PREP: variants seen among roughly 807,000 people sequenced by gnomAD.
PREP encodes the protein prolyl endopeptidase.
In PREP, 29 loss-of-function variants were observed where a neutral mutation model predicts 87.6. That is an observed-to-expected ratio of 0.33 (90% CI 0.25 to 0.45). The LOEUF (loss-of-function observed/expected upper bound fraction) is 0.45, where lower values mean the gene tolerates loss of function less well. Among genes scored for constraint, PREP ranks in the 20% least tolerant of loss-of-function variants. The pLI is 1.00. For synonymous variants in PREP, 337 were observed against 328.6 expected (o/e 1.03, Z -0.28); for missense variants, 695 against 886.5 (o/e 0.78, Z 2.74).
At chr6:105,343,044 AC>A (rs1304366771) in intron 7 of PREP, among the ~76,000 whole-genome samples, 1 of 152,210 alleles carries the variant, frequency 6.6e-6, no homozygotes, top group Admixed American at 6.5e-5. Context: ...TTCATATGGA[AC>A]CAAAAAAGAG....
chr6:105,385,978 G>A lies in PREP; in HGVS notation c.121-8459C>T, dbSNP rs542962334. On this transcript the variant is annotated intron_variant, in intron 2 of 14. Transcript: ENST00000652536. ...CTACTAAAAATACAAAGATTAGCTG[G>A]GCGTGGTGGCGCATGCCTGTAATCC... Among the ~76,000 whole-genome samples the A allele has an allele frequency of 4.6e-5, 7 of 152,232 alleles. No homozygotes were observed. In the East Asian group the frequency reaches 1.4e-3, roughly 29 times the overall value.
intron 10 of PREP, among the ~76,000 whole-genome samples, chr6:105,305,286 T>C (rs548935727): frequency 5.3e-5 from 8 of 152,066 alleles, no homozygotes; most frequent in African/African-American, 1.9e-4. Context: ...CAGATGTTAG[T>C]GGGGAAAAAG....
chr6:105,378,737 T>C lies in PREP; in HGVS notation c.121-1218A>G, dbSNP rs535792100. 3.3e-5 allele frequency among the ~76,000 whole-genome samples: 5 copies of C among 152,322 alleles called. No homozygotes were observed. The East Asian group carries it at 7.7e-4, about 23-fold the overall frequency. Reference sequence around the variant, plus strand: ...AACATTGTATCAGCTTTAAATTCAATAGAAGATTTCATCAGATGTCTATAA... The same window carrying C: ...AACATTGTATCAGCTTTAAATTCAACAGAAGATTTCATCAGATGTCTATAA... On this transcript the variant is annotated intron_variant, in intron 2 of 14. Coordinates refer to ENST00000652536, the MANE Select transcript of PREP (RefSeq NM_002726.5).
At chr6:105,302,406 T>G (rs535727121) in intron 10 of PREP, 1 of 224,190 alleles carries the variant, frequency 4.5e-6, no homozygotes, top group African/African-American at 2.3e-5. Context: ...ATACACACTT[T>G]TCTTTTGTTC....
chr6:105,398,327 G>A (rs1363610481), intron 1 of PREP, among the ~76,000 whole-genome samples: 1 of 152,172 alleles, frequency 6.6e-6, no homozygotes, highest in East Asian at 1.9e-4. Flanking sequence ...TAACACACAC[G>A]TGCTCATTCT....
intron 10 of PREP, among the ~76,000 whole-genome samples, chr6:105,306,396 T>C (rs1469247500): frequency 2.0e-4 from 30 of 152,158 alleles, no homozygotes. Flanking sequence ...TTCTACTACC[T>C]GGTAATTAGC....
At chr6:105,357,117 A>G (rs1361024732) in intron 6 of PREP, among the ~76,000 whole-genome samples, 1 of 152,170 alleles carries the variant, frequency 6.6e-6, no homozygotes, top group Non-Finnish European at 1.5e-5. Flanking sequence ...GTTCCATCTT[A>G]TTTTTAAACC....
intron 2 of PREP, among the ~76,000 whole-genome samples, chr6:105,394,644 G>T (rs1773242347): frequency 6.6e-6 from 1 of 152,172 alleles, no homozygotes; most frequent in Non-Finnish European, 1.5e-5. Context: ...AAAATCGGTA[G>T]CAGTAGCTAG....
chr6:105,314,196 T>C (rs1770815033), intron 10 of PREP, among the ~76,000 whole-genome samples: 1 of 152,178 alleles, frequency 6.6e-6, no homozygotes, highest in South Asian at 2.1e-4. Context: ...CTTCAGTGAG[T>C]TGTAATCTTT....
At chr6:105,289,361 T>C (rs558904675) in intron 10 of PREP, among the ~76,000 whole-genome samples, 30 of 152,206 alleles carry the variant, frequency 2.0e-4, no homozygotes, top group African/African-American at 7.2e-4. Context: ...ACAAATTTCA[T>C]ATTCAACTTC....
intron 14 of PREP, chr6:105,280,619 A>C (rs1453185279): frequency 2.0e-5 from 3 of 151,784 alleles, no homozygotes; most frequent in African/African-American, 7.3e-5. Context: ...TTTTTGAGAC[A>C]GGGTCTTGGA....
chr6:105,283,234 G>A (rs1445813862), intron 12 of PREP, among the ~76,000 whole-genome samples: 2 of 152,252 alleles, frequency 1.3e-5, no homozygotes, highest in Non-Finnish European at 1.5e-5. Context: ...CAGAATGAAA[G>A]ATCTTCAACG....
At chr6:105,323,128 G>A (rs1368430685) in intron 10 of PREP, 1 of 1,303,036 alleles carries the variant, frequency 7.7e-7, no homozygotes, top group Admixed American at 2.3e-5. Context: ...AAACAAAAAA[G>A]GAGATTCTTA....
intron 6 of PREP, among the ~76,000 whole-genome samples, chr6:105,364,020 C>G (rs915393531): frequency 2.0e-5 from 3 of 152,114 alleles, no homozygotes; most frequent in Non-Finnish European, 4.4e-5. Flanking sequence ...AATGATAGAC[C>G]AACAAACAAT....
At chr6:105,314,886 A>T (rs1294157228) in intron 10 of PREP, among the ~76,000 whole-genome samples, 1 of 152,226 alleles carries the variant, frequency 6.6e-6, no homozygotes, top group Non-Finnish European at 1.5e-5. Flanking sequence ...TTACAAATGT[A>T]GTCAAAATTA....
At chr6:105,368,853 C>CAT in intron 6 of PREP, 50 bp downstream of exon 6, 1 of 1,602,548 alleles carries the variant, frequency 6.2e-7, no homozygotes, top group Non-Finnish European at 8.5e-7. Context: ...TTTATACACA[C>CAT]ATCCATGAAA....
chr6:105,276,332 T>A lies in PREP; in HGVS notation c.*1812A>T, dbSNP rs375962281. Among the ~76,000 whole-genome samples, 115 of 151,634 alleles carry A rather than the reference T, an allele frequency of 7.6e-4. No homozygotes were observed. Among genetic ancestry groups the A allele is most frequent in the African/African-American group, 2.4e-3 (100 of 40,916 alleles). On this transcript the variant is annotated 3_prime_UTR_variant, in exon 15 of 15. Coordinates refer to ENST00000652536, the MANE Select transcript of PREP (RefSeq NM_002726.5). ...TTGGGATTTGAACCCAGTCCTGATA[T>A]CTGAAGCTCACACACTACACACTGT...
At chr6:105,356,208 C>T (rs1235093930) in intron 6 of PREP, among the ~76,000 whole-genome samples, 2 of 152,230 alleles carry the variant, frequency 1.3e-5, no homozygotes, top group Middle Eastern at 3.4e-3. Context: ...AATTCATTGG[C>T]GGATCAGCTT....
At chr6:105,304,889 A>G (rs1770622417) in intron 10 of PREP, among the ~76,000 whole-genome samples, 1 of 152,214 alleles carries the variant, frequency 6.6e-6, no homozygotes, top group African/African-American at 2.4e-5. Context: ...ACAAATTTCC[A>G]ACTTATTACT....
Sources: gnomAD v4.1 joint callset for allele counts (sites outside exome capture counted in the v4.1 genomes callset) on GRCh38, gnomAD v4.1.1 for gene constraint, MANE v1.5 for transcripts, NCBI Gene and HGNC (gene_info 2026-07-23, HGNC 2026-07-21) for gene names.